The following SLC26A9 variants were observed in gnomAD, a reference collection of about 807,000 sequenced individuals.
The protein encoded by SLC26A9 is solute carrier family 26 member 9.
A neutral mutation model predicts 87.1 loss-of-function variants in SLC26A9; 46 were observed. That is an observed-to-expected ratio of 0.53 (90% confidence interval 0.42 to 0.67). The LOEUF is 0.67. Among genes scored for constraint, SLC26A9 ranks in the 30% least tolerant of loss-of-function variants. The pLI is 0.00. For missense variants in SLC26A9, 927 were observed against 1,018.3 expected (o/e 0.91, Z 1.22); for synonymous variants, 437 against 409.1 (o/e 1.07, Z -0.82).
At chr1:205,930,745 G>T (rs1248477768) in intron 5 of SLC26A9, among the ~76,000 whole-genome samples, 1 of 152,080 alleles carries the variant, frequency 6.6e-6, no homozygotes, top group African/African-American at 2.4e-5. Flanking sequence ...ACTCTCTCAG[G>T]CCTCAGTGTT....
At chr1:205,924,562 C>CCAA (rs1658989830) in intron 12 of SLC26A9, 73 bp from the exon 13 acceptor site, 1 of 1,359,062 alleles carries the variant, frequency 7.4e-7, no homozygotes, top group South Asian at 1.2e-5. Flanking sequence ...CCTGGATTAG[C>CCAA]CAAGGCCATT....
Position 205,931,821 on chromosome 1 carries a change from C to A in SLC26A9, c.552+39G>T, listed in dbSNP as rs373680668. ...GGCTTTGAGGGAGGGGCAGGGTGGTCTGATGCCCTTCTAGCAGGGTTGGGG... is the reference window on the plus strand; with the variant it reads ...GGCTTTGAGGGAGGGGCAGGGTGGTATGATGCCCTTCTAGCAGGGTTGGGG... On this transcript the variant is annotated intron_variant, in intron 5 of 20. Transcript: ENST00000367135. The A allele has an allele frequency of 2.3e-5, 37 of 1,591,498 alleles. No individual in the cohort carries two copies. In the Admixed American group the frequency reaches 3.3e-4, roughly 14 times the overall value.
chr1:205,938,592 CA>C (rs1342251728), intron 1 of SLC26A9, among the ~76,000 whole-genome samples: 2 of 152,174 alleles, frequency 1.3e-5, no homozygotes, highest in Non-Finnish European at 2.9e-5. Context: ...GTTCTGCACC[CA>C]CCAAACAAGC....
chr1:205,927,165 T>G (rs73082393), intron 11 of SLC26A9, 46 bp downstream of exon 11: 91,993 of 1,597,712 alleles, frequency 0.058, 3,295 homozygotes, highest in African/African-American at 0.14. Context: ...GGGATTGTTC[T>G]TATTGGAGTC....
intron 15 of SLC26A9, 66 bp from the exon 16 acceptor site, chr1:205,923,261 C>T (rs1658919033): frequency 2.5e-6 from 4 of 1,610,260 alleles, no homozygotes; most frequent in Non-Finnish European, 2.5e-6. Flanking sequence ...ATTCTCAGCT[C>T]CCACCGCCCT....
chr1:205,940,148 C>T (rs6593975), intron 1 of SLC26A9, among the ~76,000 whole-genome samples: 85,051 of 151,472 alleles, frequency 0.56, 24,739 homozygotes, highest in East Asian at 0.94. Context: ...GCATGGGCCA[C>T]TCCCATGCAC....
At chr1:205,916,904 C>T (rs1658614668) in intron 20 of SLC26A9, among the ~76,000 whole-genome samples, 1 of 151,938 alleles carries the variant, frequency 6.6e-6, no homozygotes, top group South Asian at 2.1e-4. Flanking sequence ...AGTTCGAGAC[C>T]AGCCCAGCCA....
Position 205,929,168 on chromosome 1 carries a change from G to A in SLC26A9, c.870+36C>T, listed in dbSNP as rs778571030. 25 of 1,595,326 alleles carry A rather than the reference G, an allele frequency of 1.6e-5. No individual in the cohort carries two copies. In the Middle Eastern group the frequency reaches 8.5e-4, roughly 54 times the overall value. On this transcript the variant is annotated intron_variant, in intron 7 of 20. Transcript: ENST00000367135. ...AGGGGCTTCCTCGTCTCACAGCCTG[G>A]CCCCCCAACATCCCAGCTCTGAACA...
Position 205,919,048 on chromosome 1 carries a change from G to A in SLC26A9, c.2111-63C>T, listed in dbSNP as rs912389664. 3 of 1,597,998 alleles carry A rather than the reference G, an allele frequency of 1.9e-6. No individual in the cohort carries two copies. The African/African-American group carries it at 4.0e-5, about 21-fold the overall frequency. On this transcript the variant is annotated intron_variant, in intron 18 of 20. Coordinates refer to ENST00000367135, the MANE Select transcript of SLC26A9 (RefSeq NM_052934.4). ...CCATTGTGGATTGGAGCTGGGGGTG[G>A]GGAAGATAGTGAGACCAGAGCAGGG...
chr1:205,923,283 T>C (rs3811427), intron 15 of SLC26A9, 52 bp downstream of exon 15: 177,951 of 1,611,878 alleles, frequency 0.11, 16,550 homozygotes, highest in East Asian at 0.57. Context: ...CTGCTTCCAT[T>C]TTCCGGCCAC....
Position 205,934,268 on chromosome 1 carries a change from C to T in SLC26A9, c.126-1184G>A, listed in dbSNP as rs145333739. 3.5e-4 allele frequency among the ~76,000 whole-genome samples: 54 copies of T among 152,312 alleles called. No individual in the cohort carries two copies. In the East Asian group the frequency reaches 4.4e-3, roughly 12 times the overall value. On this transcript the variant is annotated intron_variant, in intron 2 of 20. Coordinates refer to ENST00000367135, the MANE Select transcript of SLC26A9 (RefSeq NM_052934.4). ...CTGTCCTTTCTGGGGCTCATGGGTG[C>T]CTCTGCCATCCCTGGGATGCTGGAA...
intron 1 of SLC26A9, among the ~76,000 whole-genome samples, chr1:205,942,245 C>T (rs889269384): frequency 2.0e-5 from 3 of 152,214 alleles, no homozygotes; most frequent in Admixed American, 2.0e-4. Flanking sequence ...CTGGGAAGTG[C>T]CTGGGAAGGC....
At chr1:205,932,494 G>A (rs2102595454) in intron 4 of SLC26A9, among the ~76,000 whole-genome samples, 1 of 152,318 alleles carries the variant, frequency 6.6e-6, no homozygotes, top group East Asian at 1.9e-4. Context: ...AGATGGAACA[G>A]GTAATGCTAA....
chr1:205,928,362 C>T, intron 8 of SLC26A9: 1 of 427,544 alleles, frequency 2.3e-6, no homozygotes, highest in Non-Finnish European at 4.3e-6. Context: ...GACCCCTAGA[C>T]CTTTGGTGCT....
intron 1 of SLC26A9, among the ~76,000 whole-genome samples, chr1:205,937,626 G>T (rs1266447019): frequency 6.6e-6 from 1 of 152,220 alleles, no homozygotes; most frequent in Admixed American, 6.5e-5. Flanking sequence ...CTATGATTAA[G>T]ATGGGAGGGT....
At chr1:205,933,775 C>A (rs970500881) in intron 2 of SLC26A9, among the ~76,000 whole-genome samples, 1 of 152,168 alleles carries the variant, frequency 6.6e-6, no homozygotes, top group Admixed American at 6.5e-5. Context: ...TACCGGAGTT[C>A]TTTCTCCTGT....
intron 19 of SLC26A9, among the ~76,000 whole-genome samples, chr1:205,918,244 G>A (rs1658676505): frequency 6.6e-6 from 1 of 152,188 alleles, no homozygotes; most frequent in African/African-American, 2.4e-5. Flanking sequence ...TCTGGGCAGG[G>A]ACCCCAAGGA....
chr1:205,930,287 T>G (rs1273487855), intron 5 of SLC26A9: 1 of 379,080 alleles, frequency 2.6e-6, no homozygotes, highest in African/African-American at 2.0e-5. Context: ...ATCACCTCTC[T>G]GGCTTTGGCT....
intron 5 of SLC26A9, among the ~76,000 whole-genome samples, chr1:205,931,465 G>GTTTTTTTTTTTTTTT (rs34820138): frequency 0.03 from 2,914 of 95,658 alleles, 476 homozygotes; most frequent in Non-Finnish European, 0.044. Context: ...CCCTAACTTG[G>GTTTTTTTTTTTTTTT]TTTTTTTTTT....
Sources: allele counts gnomAD v4.1 joint callset (sites outside exome capture counted in the v4.1 genomes callset), GRCh38; gene constraint gnomAD v4.1.1; transcripts MANE v1.5; gene names NCBI Gene and HGNC (gene_info 2026-07-23, HGNC 2026-07-21).